The following IZUMO1 variants were observed in gnomAD, a reference collection of about 807,000 sequenced individuals.
IZUMO1 encodes the protein izumo sperm-oocyte fusion 1, also known as izumo sperm-egg fusion protein 1.
A neutral mutation model predicts 40.7 loss-of-function variants in IZUMO1; 44 were observed. The observed-to-expected ratio is 1.08, with a 90% CI of 0.85 to 1.39. The LOEUF (loss-of-function observed/expected upper bound fraction) is 1.39, where lower values mean the gene tolerates loss of function less well. Ranked by LOEUF, IZUMO1 falls within the 40% of genes most tolerant of loss-of-function variation. The probability of loss-of-function intolerance (pLI) is 0.00; values close to 1 mark genes in which losing one functional copy is unlikely to be tolerated. For missense variants in IZUMO1, 368 were observed against 436.9 expected (o/e 0.84, Z 1.41); for synonymous variants, 149 against 170.9 (o/e 0.87, Z 1.00).
rs1010425755 is a variant in IZUMO1, at chr19:48,741,232, T to C, written c.932+69A>G. 6 of 1,484,392 alleles carry C rather than the reference T, an allele frequency of 4.0e-6. No homozygotes were observed. The South Asian group carries it at 6.4e-5, about 16-fold the overall frequency. 92.0% of individuals were successfully genotyped at this position (1,484,392 alleles called of 1,614,324 possible). A position where few individuals can be genotyped will look rare whatever the true frequency, so the allele number is the denominator to read the frequency against. On this transcript the variant is annotated intron_variant, in intron 9 of 9. Coordinates refer to ENST00000332955, the MANE Select transcript of IZUMO1 (RefSeq NM_182575.3). This position sits in a 1 kb window ranked among gnomAD's most constrained non-coding sequence, Gnocchi z 4.4. ...CCTCAGTAGCCCCCAGACCAGCTTC[T>C]GTGTTGGGTTCCTGGAAGCCCCGCC...
Position 48,741,732 on chromosome 19 carries a change from G to C in IZUMO1, c.754+57C>G, listed in dbSNP as rs2033701567. 1.3e-6 allele frequency: 2 copies of C among 1,504,012 alleles called. No homozygotes were observed. Among genetic ancestry groups the C allele is most frequent in the African/African-American group, 1.4e-5 (1 of 71,396 alleles). The allele number at this position is 1,504,012 out of a possible 1,614,324, so 93.2% of individuals were successfully genotyped here. A position where few individuals can be genotyped will look rare whatever the true frequency, so the allele number is the denominator to read the frequency against. On this transcript the variant is annotated intron_variant, in intron 8 of 9. Transcript: ENST00000332955. The surrounding 1 kb of genome is among the most constrained non-coding windows in gnomAD (Gnocchi z 4.4). The stretch of plus-strand genomic sequence containing the variant: ...TCGCCAAGGCCACGCCCCCGCCGCG[G>C]ACCCCAGCTTTCCTGGGCCCTGAAT...
At position 48,741,498 on chromosome 19, in the gene IZUMO1, G is replaced by C. The variant is rs749284799; in HGVS notation, c.755-20C>G. 2.5e-6 allele frequency: 4 copies of C among 1,592,054 alleles called. No individual in the cohort carries two copies. The Admixed American group carries it at 5.0e-5, about 20-fold the overall frequency. On this transcript the variant is annotated intron_variant, in intron 8 of 9. Coordinates refer to ENST00000332955, the MANE Select transcript of IZUMO1 (RefSeq NM_182575.3). The surrounding 1 kb of genome is among the most constrained non-coding windows in gnomAD (Gnocchi z 4.4). ...GCAACACTGTTAGAGAAAGCGTAAA[G>C]AGCAGTCCTGGCAGGGCGTGGAGTT...
chr19:48,745,915 A>C lies in IZUMO1; in HGVS notation c.-56T>G. Reference sequence around the variant, plus strand: ...GTTAGGAAGGGTGCTCTCACCCCAAACCGAGAGCAGGAGAACGCTAAACGG... The same window carrying C: ...GTTAGGAAGGGTGCTCTCACCCCAACCCGAGAGCAGGAGAACGCTAAACGG... On this transcript the variant is annotated 5_prime_UTR_variant, in exon 2 of 10. Coordinates refer to ENST00000332955, the MANE Select transcript of IZUMO1 (RefSeq NM_182575.3). 6.2e-7 allele frequency: 1 copy of C among 1,605,382 alleles called. No homozygotes were observed.
In IZUMO1 at chr19:48,741,789, C is replaced by G; in HGVS notation, c.754G>C (p.Val252Leu). The change falls in exon 8 of 10, where the codon GTG (valine) becomes CTG (leucine). Residue 252 changes from valine to leucine, a missense_variant and splice_region_variant. By Grantham distance (32) the Val-to-Leu change is conservative (BLOSUM62 1). Coordinates refer to ENST00000332955, the MANE Select transcript of IZUMO1 (RefSeq NM_182575.3). The surrounding 1 kb of genome is among the most constrained non-coding windows in gnomAD (Gnocchi z 4.4). ...CTTCTCTCAGCCCCACAGCACTGAC[C>G]TGTGACGTGAAAATTGATGATCGTG... ...PATIINFHVT[V>L]LPKMIKEEKP... 2 of 1,582,900 alleles carry G rather than the reference C, an allele frequency of 1.3e-6. No homozygotes were observed. Among genetic ancestry groups the G allele is most frequent in the East Asian group, 2.3e-5 (1 of 44,262 alleles).
intron 4 of IZUMO1, 51 bp downstream of exon 4, chr19:48,744,402 T>C: frequency 6.9e-7 from 1 of 1,439,788 alleles, no homozygotes; most frequent in East Asian, 2.3e-5. Context: ...ACAAGGACTC[T>C]TGGATAGTGG....
chr19:48,744,080 G>A, intron 5 of IZUMO1, 95 bp downstream of exon 5: 2 of 1,122,974 alleles, frequency 1.8e-6, no homozygotes, highest in Non-Finnish European at 2.7e-6. Flanking sequence ...CTCCAAGGCA[G>A]AGAATGACAA....
rs543308476 is a variant in IZUMO1, at chr19:48,746,307, C to T, written c.-74+128G>A. ...CCTTAAGAGCAACACCGAGGCACTCCCCCGCCAGCCCCCCAAAACCTGTTG... is the reference window on the plus strand; with the variant it reads ...CCTTAAGAGCAACACCGAGGCACTCTCCCGCCAGCCCCCCAAAACCTGTTG... On this transcript the variant is annotated intron_variant, in intron 1 of 9. Coordinates refer to ENST00000332955, the MANE Select transcript of IZUMO1 (RefSeq NM_182575.3). 37 of 1,011,554 alleles carry T rather than the reference C, an allele frequency of 3.7e-5. No homozygotes were observed. The African/African-American group carries it at 6.0e-4, about 16-fold the overall frequency. 62.7% of individuals were successfully genotyped at this position (1,011,554 alleles called of 1,614,324 possible).
chr19:48,743,633 T>C, intron 5 of IZUMO1, 108 bp from the exon 6 acceptor site: 1 of 841,782 alleles, frequency 1.2e-6, no homozygotes, highest in Non-Finnish European at 2.0e-6. Context: ...TCCTAGATGG[T>C]CAGACGAAGG....
rs1219471146 is a variant in IZUMO1 at position 48,741,371 on chromosome 19, T to G, written c.862A>C (p.Met288Leu). The stretch of plus-strand genomic sequence containing the variant: ...AGCCCCAGAAGGCGGCTTGCCAGCA[T>G]TTTCTCGGGCTGCAGAGGCTGGAGG... ...ISLQPLQPEK[M>L]LASRLLGLLI... Residue 288 changes from methionine to leucine, a missense_variant, in exon 9 of 10, where the codon ATG becomes CTG. Transcript: ENST00000332955. This position sits in a 1 kb window ranked among gnomAD's most constrained non-coding sequence, Gnocchi z 4.4. 1 of 1,612,942 alleles carries G rather than the reference T, an allele frequency of 6.2e-7. No homozygotes were observed. The highest frequency in any genetic ancestry group is 1.3e-5 in the African/African-American group (1 of 74,898).
rs567404151 is a variant in IZUMO1, at chr19:48,743,175, C to T, written c.499+270G>A. On this transcript the variant is annotated intron_variant, in intron 6 of 9. Coordinates refer to ENST00000332955, the MANE Select transcript of IZUMO1 (RefSeq NM_182575.3). ...CCAAGTAGCTGGGACTACAGGAACG[C>T]AACACCACACCTGACTAATTTTTAA... is the stretch of plus-strand genomic sequence containing the variant. 1.7e-4 allele frequency: 78 copies of T among 451,900 alleles called. 1 individual carries two copies. Among genetic ancestry groups the T allele is most frequent in the Non-Finnish European group, 2.6e-4 (64 of 245,532 alleles). The allele number at this position is 451,900 out of a possible 1,614,324, so 28.0% of individuals were successfully genotyped here.
rs1431505077 is a variant in IZUMO1, at chr19:48,745,886, G to C, written c.-27C>G. On this transcript the variant is annotated 5_prime_UTR_variant, in exon 2 of 10. Transcript: ENST00000332955. ...GCAGCCGGCGCGCACAGTTCCCGAA[G>C]ACCGTTAGGAAGGGTGCTCTCACCC... is the stretch of plus-strand genomic sequence containing the variant. 1 of 1,612,440 alleles carries C rather than the reference G, an allele frequency of 6.2e-7. No homozygotes were observed. The highest frequency in any genetic ancestry group is 8.5e-7 in the Non-Finnish European group (1 of 1,178,794).
chr19:48,744,493 C>T lies in IZUMO1; in HGVS notation c.357G>A (p.Lys119=). The change falls in exon 4 of 10, where the codon AAG becomes AAA. Residue 119 remains lysine, a synonymous_variant. Transcript: ENST00000332955. ...KELFWMLHLQ[K]ETFATYVARF... ...GAGCAACATAGGTGGCAAAGGTTTC[C>T]TTTTGCAAGTGCAACATCCAAAATA... 3.1e-6 allele frequency: 5 copies of T among 1,614,060 alleles called. No individual in the cohort carries two copies. Among genetic ancestry groups the T allele is most frequent in the Non-Finnish European group, 4.2e-6 (5 of 1,179,942 alleles).
rs2033683474 is a variant in IZUMO1, at chr19:48,741,354, A to C, written c.879T>G (p.Leu293=). The change falls in exon 9 of 10, where the codon CTT becomes CTG. Residue 293 remains leucine (L), a synonymous_variant. Transcript: ENST00000332955. This position sits in a 1 kb window ranked among gnomAD's most constrained non-coding sequence, Gnocchi z 4.4. Reference sequence around the variant, plus strand: ...GGGAGCCGCAGATCAGCAGCCCCAGAAGGCGGCTTGCCAGCATTTTCTCGG... The same window carrying C: ...GGGAGCCGCAGATCAGCAGCCCCAGCAGGCGGCTTGCCAGCATTTTCTCGG... ...LQPEKMLASR[L]LGLLICGSLA... 1.2e-6 allele frequency: 2 copies of C among 1,612,062 alleles called. No homozygotes were observed. Among genetic ancestry groups the C allele is most frequent in the Non-Finnish European group, 1.7e-6 (2 of 1,179,728 alleles).
In IZUMO1 at chr19:48,744,139, G is replaced by T. The variant is rs750995778; in HGVS notation, c.418+36C>A. ...AGTGGGGAGGTTGACTATTCAGAGG[G>T]CAGGATGAGGGTTAACTTCTGTAAT... On this transcript the variant is annotated intron_variant, in intron 5 of 9. Coordinates refer to ENST00000332955, the MANE Select transcript of IZUMO1 (RefSeq NM_182575.3). 3.1e-6 allele frequency: 5 copies of T among 1,599,534 alleles called. No individual in the cohort carries two copies. The South Asian group carries it at 4.4e-5, about 14-fold the overall frequency.
chr19:48,744,001 G>GT, intron 5 of IZUMO1, 174 bp downstream of exon 5: 1 of 672,700 alleles, frequency 1.5e-6, no homozygotes, highest in Non-Finnish European at 2.7e-6. Context: ...AAAAAAGAGT[G>GT]TAAGTAGAAT....
In IZUMO1 at chr19:48,741,887, G is replaced by A. The variant is rs2033709055; in HGVS notation, c.656C>T (p.Thr219Ile). Residue 219 changes from threonine to isoleucine, a missense_variant, in exon 8 of 10, where the codon ACC becomes ATC. Coordinates refer to ENST00000332955, the MANE Select transcript of IZUMO1 (RefSeq NM_182575.3). The surrounding 1 kb of genome is among the most constrained non-coding windows in gnomAD (Gnocchi z 4.4). ...LVSKGKEATL[T>I]KPMVGPEDAG... ...ATCCTCTGGACCCACCATGGGCTTG[G>A]TCAGGGTGGCCTCTTTCCCCTTGGA... is the stretch of plus-strand genomic sequence containing the variant. 1 of 1,612,178 alleles carries A rather than the reference G, an allele frequency of 6.2e-7. No individual in the cohort carries two copies. Among genetic ancestry groups the A allele is most frequent in the South Asian group, 1.1e-5 (1 of 90,996 alleles).
chr19:48,740,891 G>A lies in IZUMO1; in HGVS notation c.*17C>T, dbSNP rs1568485162. On this transcript the variant is annotated 3_prime_UTR_variant, in exon 10 of 10. Transcript: ENST00000332955. The surrounding 1 kb of genome is among the most constrained non-coding windows in gnomAD (Gnocchi z 5.5). ...TCCCGGGGAGTGAGTCAGATGCTTAGACAACAAGATAAATCTTTATTGTTG... is the reference window on the plus strand; with the variant it reads ...TCCCGGGGAGTGAGTCAGATGCTTAAACAACAAGATAAATCTTTATTGTTG... 1 of 1,613,992 alleles carries A rather than the reference G, an allele frequency of 6.2e-7. No homozygotes were observed. Among genetic ancestry groups the A allele is most frequent in the East Asian group, 2.2e-5 (1 of 44,896 alleles).
At chr19:48,746,212 C>A (rs1450985283) in intron 1 of IZUMO1, 1 of 1,085,696 alleles carries the variant, frequency 9.2e-7, no homozygotes, top group Non-Finnish European at 1.1e-6. Flanking sequence ...CAACCCCATG[C>A]GCCCCTTCCC....
chr19:48,741,208 C>A lies in IZUMO1; in HGVS notation c.932+93G>T. On this transcript the variant is annotated intron_variant, in intron 9 of 9. Coordinates refer to ENST00000332955, the MANE Select transcript of IZUMO1 (RefSeq NM_182575.3). This position sits in a 1 kb window ranked among gnomAD's most constrained non-coding sequence, Gnocchi z 4.4. ...CCCCAGGAAAGTCCTGCTCTCAGGC[C>A]TCAGTAGCCCCCAGACCAGCTTCTG... 1 of 1,454,590 alleles carries A rather than the reference C, an allele frequency of 6.9e-7. No homozygotes were observed. The allele number at this position is 1,454,590 out of a possible 1,614,324, so 90.1% of individuals were successfully genotyped here.
Sources: allele counts gnomAD v4.1 joint callset, GRCh38; gene constraint gnomAD v4.1.1; non-coding constraint Gnocchi (gnomAD v3.1); transcripts MANE v1.5; gene names NCBI Gene and HGNC (gene_info 2026-07-23, HGNC 2026-07-21).